MAP2K4: variants seen among roughly 807,000 people sequenced by gnomAD.
MAP2K4 encodes dual specificity mitogen-activated protein kinase kinase 4.
A neutral mutation model predicts 48.5 loss-of-function variants in MAP2K4; 4 were observed. The observed-to-expected ratio is 0.08, with a 90% confidence interval of 0.04 to 0.19. MAP2K4 has a LOEUF of 0.19. MAP2K4 is among the 10% of genes least tolerant of loss of function. The probability of loss-of-function intolerance (pLI) is 1.00; values close to 1 mark genes in which losing one functional copy is unlikely to be tolerated. For synonymous variants in MAP2K4, 166 were observed against 173.1 expected (o/e 0.96, Z 0.32); for missense variants, 258 against 493.3 (o/e 0.52, Z 4.52).
intron 3 of MAP2K4, among the ~76,000 whole-genome samples, chr17:12,089,507 T>C (rs578180701): frequency 6.6e-6 from 1 of 152,348 alleles, no homozygotes; most frequent in African/African-American, 2.4e-5. Flanking sequence ...CCTCTAATGA[T>C]TGAATTCGTT....
intron 3 of MAP2K4, among the ~76,000 whole-genome samples, chr17:12,083,574 A>G (rs531929700): frequency 6.6e-6 from 1 of 152,350 alleles, no homozygotes; most frequent in East Asian, 1.9e-4. Context: ...ACAACACATC[A>G]ATTAACATAT....
chr17:12,134,674 G>T (rs759366285), intron 9 of MAP2K4, among the ~76,000 whole-genome samples: 1 of 152,172 alleles, frequency 6.6e-6, no homozygotes, highest in Non-Finnish European at 1.5e-5. Context: ...TTAAACAAGA[G>T]AGTAGAGGGA....
intron 4 of MAP2K4, among the ~76,000 whole-genome samples, chr17:12,102,104 A>G (rs1971956256): frequency 6.6e-6 from 1 of 152,002 alleles, no homozygotes; most frequent in African/African-American, 2.4e-5. Flanking sequence ...GAAAGCATTC[A>G]TGTTTCCTTC....
At chr17:12,071,632 T>C (rs1349977702) in intron 2 of MAP2K4, among the ~76,000 whole-genome samples, 3 of 152,044 alleles carry the variant, frequency 2.0e-5, no homozygotes, top group Non-Finnish European at 4.4e-5. Context: ...TAATGAAAAA[T>C]GGTTGGCACA....
intron 3 of MAP2K4, among the ~76,000 whole-genome samples, chr17:12,088,943 G>A (rs369217151): frequency 1.2e-4 from 17 of 140,614 alleles, no homozygotes; most frequent in East Asian, 1.0e-3. Flanking sequence ...ACAGAGTCTC[G>A]CTCTGTCACC....
At chr17:12,098,013 G>GT (rs1360260493) in intron 4 of MAP2K4, among the ~76,000 whole-genome samples, 1 of 152,024 alleles carries the variant, frequency 6.6e-6, no homozygotes, top group African/African-American at 2.4e-5. Flanking sequence ...AATAATAAGA[G>GT]TTTTAGAAAA....
chr17:12,133,070 T>TTTGTTGTTG (rs539104400), intron 9 of MAP2K4, among the ~76,000 whole-genome samples: 2 of 151,752 alleles, frequency 1.3e-5, no homozygotes, highest in African/African-American at 4.8e-5. Context: ...CTTCTTGGGT[T>TTTGTTGTTG]TTGTTGTTGT....
intron 1 of MAP2K4, among the ~76,000 whole-genome samples, chr17:12,031,705 C>G (rs1197917789): frequency 6.6e-6 from 1 of 152,288 alleles, no homozygotes; most frequent in South Asian, 2.1e-4. Flanking sequence ...GGGACACTAT[C>G]TTATTTTTTC....
At chr17:12,128,356 C>T (rs1044878345) in intron 8 of MAP2K4, among the ~76,000 whole-genome samples, 22 of 152,208 alleles carry the variant, frequency 1.4e-4, no homozygotes, top group Admixed American at 1.4e-3. Context: ...GGATTACAGG[C>T]GTGAGCCACT....
chr17:12,074,002 G>A (rs900458912), intron 2 of MAP2K4, among the ~76,000 whole-genome samples: 59 of 152,132 alleles, frequency 3.9e-4, no homozygotes, highest in African/African-American at 1.3e-3. Context: ...TCAAACTCCC[G>A]ACCTCGTGAT....
At chr17:12,027,177 CTTAAA>C (rs1456545567) in intron 1 of MAP2K4, among the ~76,000 whole-genome samples, 6 of 152,054 alleles carry the variant, frequency 3.9e-5, no homozygotes, top group Non-Finnish European at 8.8e-5. Context: ...TTAATGTGTA[CTTAAA>C]TTAATAGAAA....
rs545207589 is a variant in MAP2K4, at chr17:12,044,829, C to T, written c.116-10060C>T. 7.9e-5 allele frequency among the ~76,000 whole-genome samples: 12 copies of T among 152,326 alleles called. No individual in the cohort carries two copies. In the East Asian group the frequency reaches 2.3e-3, roughly 29 times the overall value. On this transcript the variant is annotated intron_variant, in intron 1 of 10. Coordinates refer to ENST00000353533, the MANE Select transcript of MAP2K4 (RefSeq NM_003010.4). ...GACTGTCCGGCTCCCAGTTGGGTTT[C>T]CCACAACCCTCCTTTGGGGTTAATT...
chr17:12,094,311 C>T (rs28923195), intron 3 of MAP2K4, among the ~76,000 whole-genome samples: 91 of 152,268 alleles, frequency 6.0e-4, no homozygotes, highest in African/African-American at 1.9e-3. Flanking sequence ...AAAAATGAAA[C>T]GGAGAGAACC....
chr17:12,068,754 A>T (rs558684580), intron 2 of MAP2K4, among the ~76,000 whole-genome samples: 12 of 147,848 alleles, frequency 8.1e-5, no homozygotes, highest in African/African-American at 2.5e-4. Flanking sequence ...TATATATATT[A>T]TATATATATA....
At chr17:12,024,344 A>G (rs1430015381) in intron 1 of MAP2K4, among the ~76,000 whole-genome samples, 1 of 152,214 alleles carries the variant, frequency 6.6e-6, no homozygotes, top group South Asian at 2.1e-4. Flanking sequence ...TGTTTATGCT[A>G]ACAGTTATGG....
chr17:12,029,503 A>AT (rs1969363624), intron 1 of MAP2K4, among the ~76,000 whole-genome samples: 1 of 152,198 alleles, frequency 6.6e-6, no homozygotes, highest in Non-Finnish European at 1.5e-5. Flanking sequence ...TCACCCAGAT[A>AT]TAAAAAAGTG....
Position 12,122,260 on chromosome 17 carries a change from C to T in MAP2K4, c.814-3034C>T, listed in dbSNP as rs547144612. On this transcript the variant is annotated intron_variant, in intron 7 of 10. Transcript: ENST00000353533. ...TTCCGTACTTGCTCCTTTTCTCTTGCAACATACGGATTCAGTAATGTGACC... is the reference window on the plus strand; with the variant it reads ...TTCCGTACTTGCTCCTTTTCTCTTGTAACATACGGATTCAGTAATGTGACC... Among the ~76,000 whole-genome samples the T allele has an allele frequency of 2.6e-5, 4 of 152,320 alleles. No individual in the cohort carries two copies. In the South Asian group the frequency reaches 8.3e-4, roughly 32 times the overall value.
chr17:12,060,734 T>TGTGC, intron 2 of MAP2K4, among the ~76,000 whole-genome samples: 1 of 151,994 alleles, frequency 6.6e-6, no homozygotes. Context: ...ATGGGGTGTG[T>TGTGC]GTGTGTGTGT....
At chr17:12,101,913 T>C (rs112880903) in intron 4 of MAP2K4, among the ~76,000 whole-genome samples, 3 of 152,156 alleles carry the variant, frequency 2.0e-5, no homozygotes, top group African/African-American at 7.2e-5. Context: ...TTTACCTGCC[T>C]TCAGATTTAC....
Sources: allele counts gnomAD v4.1 joint callset (sites outside exome capture counted in the v4.1 genomes callset), GRCh38; gene constraint gnomAD v4.1.1; transcripts MANE v1.5; gene names NCBI Gene and HGNC (gene_info 2026-07-23, HGNC 2026-07-21).